The following GNG4 variants were observed in gnomAD, a reference collection of about 807,000 sequenced individuals.
The protein encoded by GNG4 is guanine nucleotide-binding protein G(I)/G(S)/G(O) subunit gamma-4.
GNG4 carries 4 observed loss-of-function variants against 5.8 expected under a neutral mutation model. That is an observed-to-expected ratio of 0.69 (90% CI 0.34 to 1.57). The LOEUF is 1.57. Ranked by LOEUF, GNG4 falls within the 40% of genes most tolerant of loss-of-function variation. The pLI is 0.06. For synonymous variants in GNG4, 29 were observed against 32.9 expected (o/e 0.88, Z 0.41); for missense variants, 96 against 95.1 (o/e 1.01, Z -0.04).
rs906592332 is a variant in GNG4, at chr1:235,548,722, G to A, written c.*3387C>T. Reference sequence around the variant, plus strand: ...CTAAGGCATGATGTCCCTGCTGTAGGAAGGGAGGGGAGATGCTGGACAGTT... The same window carrying A: ...CTAAGGCATGATGTCCCTGCTGTAGAAAGGGAGGGGAGATGCTGGACAGTT... On this transcript the variant is annotated 3_prime_UTR_variant, in exon 4 of 4. Coordinates refer to ENST00000391854, the MANE Select transcript of GNG4 (RefSeq NM_001098722.2). 6.6e-6 allele frequency: 1 copy of A among 152,304 alleles called. No individual in the cohort carries two copies. The highest frequency in any genetic ancestry group is 1.5e-5 in the Non-Finnish European group (1 of 68,116). The allele number at this position is 152,304 out of a possible 1,614,324, so 9.4% of individuals were successfully genotyped here. A position where few individuals can be genotyped will look rare whatever the true frequency, so the allele number is the denominator to read the frequency against.
rs987396943 is a variant in GNG4, at chr1:235,548,472, C to T, written c.*3637G>A. 2 of 152,528 alleles carry T rather than the reference C, an allele frequency of 1.3e-5. No homozygotes were observed. The highest frequency in any genetic ancestry group is 4.8e-5 in the African/African-American group (2 of 41,426). 9.4% of individuals were successfully genotyped at this position (152,528 alleles called of 1,614,324 possible). Reference sequence around the variant, plus strand: ...ACCCACCTGCCTTGCTGTATGACTACCAACCCCGGACCACGGTGGCTTCCT... The same window carrying T: ...ACCCACCTGCCTTGCTGTATGACTATCAACCCCGGACCACGGTGGCTTCCT... On this transcript the variant is annotated 3_prime_UTR_variant, in exon 4 of 4. Coordinates refer to ENST00000391854, the MANE Select transcript of GNG4 (RefSeq NM_001098722.2).
At chr1:235,637,827 G>T (rs1348583673) in intron 1 of GNG4, among the ~76,000 whole-genome samples, 1 of 152,208 alleles carries the variant, frequency 6.6e-6, no homozygotes, top group Non-Finnish European at 1.5e-5. Flanking sequence ...AATGGAGAGA[G>T]GCGGCACAGT....
chr1:235,641,347 A>ATCAC (rs1231669334), intron 1 of GNG4, among the ~76,000 whole-genome samples: 11 of 152,148 alleles, frequency 7.2e-5, no homozygotes, highest in Admixed American at 3.3e-4. Context: ...ATACCATCAC[A>ATCAC]TCACTGCACA....
intron 1 of GNG4, among the ~76,000 whole-genome samples, chr1:235,643,650 G>A (rs895301861): frequency 3.3e-5 from 5 of 152,238 alleles, no homozygotes; most frequent in African/African-American, 4.8e-5. Context: ...CAGTATGTCT[G>A]TATTGGAAAA....
At chr1:235,617,236 C>T (rs1688609935) in intron 1 of GNG4, among the ~76,000 whole-genome samples, 1 of 152,030 alleles carries the variant, frequency 6.6e-6, no homozygotes, top group South Asian at 2.1e-4. Context: ...TGCAGGAATC[C>T]CTCTTATTTT....
chr1:235,608,261 T>C (rs1688404723), intron 1 of GNG4, among the ~76,000 whole-genome samples: 2 of 152,178 alleles, frequency 1.3e-5, no homozygotes, highest in Non-Finnish European at 2.9e-5. Flanking sequence ...TAAAGGCTGC[T>C]GCCAGCTGCT....
At chr1:235,557,308 G>A (rs948634892) in intron 3 of GNG4, among the ~76,000 whole-genome samples, 3 of 151,128 alleles carry the variant, frequency 2.0e-5, no homozygotes, top group African/African-American at 7.3e-5. Flanking sequence ...TCCATCCAGT[G>A]CACACGAGGA....
At chr1:235,575,634 G>A (rs1687465130) in intron 3 of GNG4, among the ~76,000 whole-genome samples, 3 of 152,232 alleles carry the variant, frequency 2.0e-5, no homozygotes, top group Admixed American at 2.0e-4. Context: ...AAATGAGACT[G>A]GGCAGAATGT....
intron 3 of GNG4, among the ~76,000 whole-genome samples, chr1:235,555,772 G>A (rs1470267226): frequency 6.6e-6 from 1 of 151,920 alleles, no homozygotes; most frequent in Non-Finnish European, 1.5e-5. Flanking sequence ...TTTGATACGT[G>A]TATACATTAT....
intron 1 of GNG4, among the ~76,000 whole-genome samples, chr1:235,612,208 A>G (rs1321177399): frequency 3.3e-5 from 5 of 152,206 alleles, no homozygotes; most frequent in Admixed American, 2.0e-4. Context: ...TTGACTAGAC[A>G]TTCAGACTCA....
intron 1 of GNG4, among the ~76,000 whole-genome samples, chr1:235,596,209 T>TACACACACAC (rs59527448): frequency 0.013 from 1,703 of 133,534 alleles, 18 homozygotes; most frequent in Middle Eastern, 0.025. Context: ...ACAAACAAAA[T>TACACACACAC]ACACACACAC....
chr1:235,577,179 C>T (rs928740451), intron 3 of GNG4, among the ~76,000 whole-genome samples: 4 of 152,126 alleles, frequency 2.6e-5, no homozygotes, highest in Non-Finnish European at 5.9e-5. Context: ...CATACCATGC[C>T]ATCCCGGGGG....
intron 3 of GNG4, among the ~76,000 whole-genome samples, chr1:235,581,481 A>C (rs1436375787): frequency 2.0e-5 from 3 of 151,320 alleles, no homozygotes; most frequent in Non-Finnish European, 4.4e-5. Context: ...GTGAGCCGAG[A>C]TCACACCTGG....
intron 1 of GNG4, among the ~76,000 whole-genome samples, chr1:235,596,253 C>CACACACACACACACACACA (rs1688124848): frequency 3.7e-5 from 5 of 136,792 alleles, no homozygotes; most frequent in African/African-American, 1.4e-4. Context: ...CACACACACA[C>CACACACACACACACACACA]CTGGCCGGGC....
At chr1:235,579,349 A>G (rs9729531) in intron 3 of GNG4, among the ~76,000 whole-genome samples, 112,655 of 151,346 alleles carry the variant, frequency 0.74, 43,215 homozygotes, top group African/African-American at 0.93. Context: ...CATCCCCCTC[A>G]GTACTGTCGT....
At chr1:235,602,478 T>C (rs1378011229) in intron 1 of GNG4, among the ~76,000 whole-genome samples, 1 of 152,178 alleles carries the variant, frequency 6.6e-6, no homozygotes, top group Non-Finnish European at 1.5e-5. Context: ...TATGAGAAAG[T>C]GAAATACATT....
chr1:235,646,746 A>T (rs1657521515), intron 1 of GNG4, among the ~76,000 whole-genome samples: 1 of 152,204 alleles, frequency 6.6e-6, no homozygotes, highest in Non-Finnish European at 1.5e-5. Flanking sequence ...TCCAGCAGGG[A>T]ATCTGATTGC....
chr1:235,558,230 A>G (rs1686968938), intron 3 of GNG4, among the ~76,000 whole-genome samples: 1 of 152,132 alleles, frequency 6.6e-6, no homozygotes, highest in African/African-American at 2.4e-5. Flanking sequence ...TGCACTCAGA[A>G]TTACTGAAAT....
chr1:235,579,578 T>C (rs1295327842), intron 3 of GNG4, among the ~76,000 whole-genome samples: 2 of 151,926 alleles, frequency 1.3e-5, no homozygotes, highest in Non-Finnish European at 2.9e-5. Flanking sequence ...AGGCCGGGCA[T>C]GGTGGCTCAG....
Sources: gnomAD v4.1 joint callset for allele counts (sites outside exome capture counted in the v4.1 genomes callset) on GRCh38, gnomAD v4.1.1 for gene constraint, MANE v1.5 for transcripts, NCBI Gene and HGNC (gene_info 2026-07-23, HGNC 2026-07-21) for gene names.